The following DTWD2 variants were observed in gnomAD, a reference collection of about 807,000 sequenced individuals.
DTWD2 encodes tRNA-uridine aminocarboxypropyltransferase 2.
A neutral mutation model predicts 31.8 loss-of-function variants in DTWD2; 39 were observed. The ratio of observed to expected loss-of-function variants is 1.22; its 90% CI spans 0.95 to 1.60. The LOEUF (loss-of-function observed/expected upper bound fraction) is 1.60, where lower values mean the gene tolerates loss of function less well. Ranked by LOEUF, DTWD2 falls within the 40% of genes most tolerant of loss-of-function variation. The pLI, the probability that DTWD2 is intolerant of heterozygous loss-of-function variation, is 0.00. For synonymous variants in DTWD2, 180 were observed against 142.8 expected (o/e 1.26, Z -1.86); for missense variants, 515 against 381.5 (o/e 1.35, Z -2.92).
At chr5:118,885,015 A>T (rs1277174155) in intron 4 of DTWD2, among the ~76,000 whole-genome samples, 1 of 149,894 alleles carries the variant, frequency 6.7e-6, no homozygotes, top group Admixed American at 6.6e-5. Flanking sequence ...AAAAAAAAAA[A>T]AAAATCGTCC....
intron 4 of DTWD2, among the ~76,000 whole-genome samples, chr5:118,904,527 G>A (rs1286615339): frequency 1.3e-5 from 2 of 151,918 alleles, no homozygotes; most frequent in African/African-American, 4.8e-5. Context: ...TTTTTTAATC[G>A]ACTGACATTA....
chr5:118,909,609 G>A (rs1273625671), intron 4 of DTWD2, among the ~76,000 whole-genome samples: 1 of 152,174 alleles, frequency 6.6e-6, no homozygotes, highest in African/African-American at 2.4e-5. Flanking sequence ...TTCCACCAGT[G>A]TGCACACTGC....
intron 5 of DTWD2, among the ~76,000 whole-genome samples, chr5:118,847,753 C>G (rs17144738): frequency 2.0e-5 from 3 of 151,522 alleles, no homozygotes; most frequent in African/African-American, 7.3e-5. Flanking sequence ...AGGCTGAGCA[C>G]AAGAGAACAC....
Position 118,877,691 on chromosome 5 carries a change from A to C in DTWD2, c.598-29473T>G, listed in dbSNP as rs887509655. ...CAGTATTTGACGTCCAGGCCAGGAC[A>C]ATCGAGCAAGAGAAAGAAATAAAGG... On this transcript the variant is annotated intron_variant, in intron 4 of 5. Transcript: ENST00000510708. Among the ~76,000 whole-genome samples, 3 of 152,164 alleles carry C rather than the reference A, an allele frequency of 2.0e-5. No individual in the cohort carries two copies. The East Asian group carries it at 5.8e-4, about 29-fold the overall frequency.
intron 1 of DTWD2, among the ~76,000 whole-genome samples, chr5:118,960,743 A>C (rs1754686500): frequency 6.7e-6 from 1 of 149,252 alleles, no homozygotes; most frequent in East Asian, 1.9e-4. Context: ...AATAGTATGC[A>C]GCCATAAAAA....
rs79553385 is a variant in DTWD2 at position 118,904,571 on chromosome 5, A to G, written c.597+23966T>C. On this transcript the variant is annotated intron_variant, in intron 4 of 5. Transcript: ENST00000510708. ...GCCTGTGTTTAGAAAAATTCCTTACATAAGACGGGTACATAGACAGATAAT... is the reference window on the plus strand; with the variant it reads ...GCCTGTGTTTAGAAAAATTCCTTACGTAAGACGGGTACATAGACAGATAAT... Among the ~76,000 whole-genome samples the G allele has an allele frequency of 9.2e-5, 14 of 152,248 alleles. No homozygotes were observed. The East Asian group carries it at 2.5e-3, about 27-fold the overall frequency.
At chr5:118,963,425 G>C (rs1754750298) in intron 1 of DTWD2, among the ~76,000 whole-genome samples, 1 of 152,194 alleles carries the variant, frequency 6.6e-6, no homozygotes, top group South Asian at 2.1e-4. Context: ...GTTCAGTGTA[G>C]CTGGAGAAAG....
At chr5:118,925,707 C>A (rs1429468277) in intron 4 of DTWD2, among the ~76,000 whole-genome samples, 1 of 151,206 alleles carries the variant, frequency 6.6e-6, no homozygotes, top group Non-Finnish European at 1.5e-5. Flanking sequence ...TAGCCGGGCG[C>A]AGTGGCGGGT....
chr5:118,958,407 G>A (rs1004768012), intron 1 of DTWD2, among the ~76,000 whole-genome samples: 3 of 151,776 alleles, frequency 2.0e-5, no homozygotes, highest in Non-Finnish European at 4.4e-5. Flanking sequence ...GCAGTGAGCC[G>A]GGATCACGCC....
chr5:118,896,807 GA>G (rs1392065728), intron 4 of DTWD2, among the ~76,000 whole-genome samples: 3 of 152,120 alleles, frequency 2.0e-5, no homozygotes, highest in Non-Finnish European at 4.4e-5. Context: ...TAATACTGGA[GA>G]GGCCACATGT....
intron 4 of DTWD2, among the ~76,000 whole-genome samples, chr5:118,859,414 A>C (rs12187606): frequency 0.37 from 56,861 of 152,052 alleles, 12,684 homozygotes; most frequent in African/African-American, 0.63. Flanking sequence ...ATTATGAATT[A>C]ATGGCATATG....
chr5:118,950,413 A>G (rs1411500430), intron 1 of DTWD2, among the ~76,000 whole-genome samples: 1 of 152,042 alleles, frequency 6.6e-6, no homozygotes, highest in Non-Finnish European at 1.5e-5. Flanking sequence ...CCACTGTAAG[A>G]GTTACCTCAA....
At chr5:118,844,362 C>T (rs997569388) in intron 5 of DTWD2, among the ~76,000 whole-genome samples, 1 of 152,084 alleles carries the variant, frequency 6.6e-6, no homozygotes, top group African/African-American at 2.4e-5. Flanking sequence ...AAAAAAGAAC[C>T]CCAAGCTAAA....
chr5:118,957,464 C>A (rs547186284), intron 1 of DTWD2, among the ~76,000 whole-genome samples: 1 of 152,214 alleles, frequency 6.6e-6, no homozygotes, highest in South Asian at 2.1e-4. Flanking sequence ...TCGTGATCTG[C>A]CTGCCTTGGC....
chr5:118,893,920 G>C (rs1247707092), intron 4 of DTWD2, among the ~76,000 whole-genome samples: 1 of 151,876 alleles, frequency 6.6e-6, no homozygotes, highest in Non-Finnish European at 1.5e-5. Flanking sequence ...TTCTATCTCA[G>C]ATCCTCCATA....
intron 5 of DTWD2, among the ~76,000 whole-genome samples, chr5:118,846,257 G>T (rs1332170945): frequency 6.6e-6 from 1 of 152,020 alleles, no homozygotes; most frequent in Non-Finnish European, 1.5e-5. Context: ...TTGGAGAGAA[G>T]GGAGCACCAG....
chr5:118,949,753 CA>C (rs1219087136), intron 1 of DTWD2, among the ~76,000 whole-genome samples: 2 of 151,866 alleles, frequency 1.3e-5, no homozygotes, highest in Admixed American at 6.6e-5. Context: ...TGGGGAGACA[CA>C]AGGGGAGGAT....
intron 1 of DTWD2, among the ~76,000 whole-genome samples, chr5:118,987,346 C>T (rs1019276604): frequency 1.3e-5 from 2 of 152,162 alleles, no homozygotes; most frequent in African/African-American, 4.8e-5. Flanking sequence ...AGATCCTTTC[C>T]TCTGAAGTCT....
intron 1 of DTWD2, among the ~76,000 whole-genome samples, chr5:118,979,283 G>A (rs963897246): frequency 5.3e-5 from 8 of 152,026 alleles, no homozygotes; most frequent in East Asian, 1.9e-4. Flanking sequence ...CAGCCTGGGC[G>A]ACAGAGCAAG....
Sources: gnomAD v4.1 joint callset for allele counts (sites outside exome capture counted in the v4.1 genomes callset) on GRCh38, gnomAD v4.1.1 for gene constraint, MANE v1.5 for transcripts, NCBI Gene and HGNC (gene_info 2026-07-23, HGNC 2026-07-21) for gene names.